Variants in PRH1 observed in about 807,000 individuals in gnomAD.
The protein encoded by PRH1 is salivary acidic proline-rich phosphoprotein 1/2.
In PRH1, 7 loss-of-function variants were observed where a neutral mutation model predicts 7.9. The ratio of observed to expected loss-of-function variants is 0.89; its 90% CI spans 0.50 to 1.67. The LOEUF (loss-of-function observed/expected upper bound fraction) is 1.67, where lower values mean the gene tolerates loss of function less well. PRH1 is among the 40% of genes most tolerant of loss of function. The probability of loss-of-function intolerance (pLI) is 0.00; values close to 1 mark genes in which losing one functional copy is unlikely to be tolerated. For missense variants in PRH1, 109 were observed against 223.6 expected, an observed-to-expected ratio of 0.49 and a Z score of 3.27; for synonymous variants, 45 against 80.8, an observed-to-expected ratio of 0.56 and a Z score of 2.38.
downstream of PRH1, among the ~76,000 whole-genome samples, chr12:11,118,545 T>A (rs1945795302): frequency 4.6e-5 from 7 of 152,176 alleles, no homozygotes; most frequent in Admixed American, 4.6e-4. Context: ...AGAGTTACCA[T>A]ATGATCCAGC....
intron 1 of PRH1, among the ~76,000 whole-genome samples, chr12:10,983,661 T>A (rs1020000414): frequency 1.3e-5 from 2 of 152,224 alleles, no homozygotes; most frequent in African/African-American, 2.4e-5. Context: ...TTTTCTCTTC[T>A]CTTTCTCTTC....
At chr12:11,132,301 A>G (rs191561523) in intron 1 of PRH1, among the ~76,000 whole-genome samples, 35 of 152,382 alleles carry the variant, frequency 2.3e-4, no homozygotes, top group Admixed American at 5.9e-4. Context: ...TCACTGAATT[A>G]TTTTCCATAA....
chr12:11,087,127 A>C lies in PRH1; in HGVS notation n.124-39939T>G, dbSNP rs1944734624. On this transcript the variant is annotated intron_variant and non_coding_transcript_variant, in intron 1 of 4. Coordinates refer to the PRH1 transcript ENST00000541977. ...GTTTTTTTTTTTTCTTCTGAGACAC[A>C]GTCTCCCTCTGTTACCCAAGCTGGA... 2.7e-5 allele frequency among the ~76,000 whole-genome samples: 3 copies of C among 110,374 alleles called. No individual in the cohort carries two copies. In the South Asian group the frequency reaches 7.4e-4, roughly 27 times the overall value. 72.4% of individuals were successfully genotyped at this position (110,374 alleles called of 152,430 possible). A position where few individuals can be genotyped will look rare whatever the true frequency, so the allele number is the denominator to read the frequency against.
chr12:11,059,683 A>G (rs1026300770), intron 1 of PRH1, among the ~76,000 whole-genome samples: 8 of 128,998 alleles, frequency 6.2e-5, no homozygotes, highest in Non-Finnish European at 1.3e-4. Flanking sequence ...AGACTATATT[A>G]TTGTCATATT....
At chr12:10,985,116 A>G (rs1419491957) in intron 1 of PRH1, among the ~76,000 whole-genome samples, 1 of 152,078 alleles carries the variant, frequency 6.6e-6, no homozygotes, top group Admixed American at 6.5e-5. Context: ...CTCAACTTCA[A>G]AAAAGGTTTT....
chr12:11,140,051 TTAA>T (rs1946661300), intron 1 of PRH1, among the ~76,000 whole-genome samples: 1 of 152,130 alleles, frequency 6.6e-6, no homozygotes, highest in East Asian at 1.9e-4. Context: ...TATACATTTA[TTAA>T]TAATGCCTTA....
intron 1 of PRH1, among the ~76,000 whole-genome samples, chr12:11,158,073 A>AT (rs1424871340): frequency 6.6e-6 from 1 of 152,090 alleles, no homozygotes; most frequent in African/African-American, 2.4e-5. Flanking sequence ...TTTACCAGCT[A>AT]TTTTTTCCCT....
At position 11,044,268 on chromosome 12, in the gene PRH1, T is replaced by C. The variant is rs184409213; in HGVS notation, c.-126+2752A>G. The stretch of plus-strand genomic sequence containing the variant: ...AGAAGAATGAAACTAGTCCCATATA[T>C]CTATACAAATATCAAATCAAAATGG... On this transcript the variant is annotated intron_variant, in intron 1 of 3. Coordinates refer to the PRH1 transcript ENST00000539853. Among the ~76,000 whole-genome samples the C allele has an allele frequency of 6.6e-5, 10 of 152,136 alleles. No homozygotes were observed. In the East Asian group the frequency reaches 1.9e-3, roughly 29 times the overall value.
At chr12:10,934,498 C>T (rs1203577889) in intron 2 of PRH1, among the ~76,000 whole-genome samples, 1 of 152,046 alleles carries the variant, frequency 6.6e-6, no homozygotes, top group Non-Finnish European at 1.5e-5. Flanking sequence ...CTATACAAGG[C>T]ATTTAGCATG....
intron 1 of PRH1, among the ~76,000 whole-genome samples, chr12:11,109,574 G>A (rs936443561): frequency 3.3e-5 from 5 of 152,096 alleles, no homozygotes; most frequent in African/African-American, 4.8e-5. Flanking sequence ...TTGCAGCAGA[G>A]GACCCTGACT....
chr12:11,157,694 G>C (rs1220950878), intron 1 of PRH1, among the ~76,000 whole-genome samples: 3 of 152,058 alleles, frequency 2.0e-5, no homozygotes, highest in Non-Finnish European at 4.4e-5. Context: ...TTTCACATAA[G>C]CCTTGCTCTT....
chr12:10,888,912 T>C (rs1386729179), upstream of PRH1, among the ~76,000 whole-genome samples: 2 of 152,218 alleles, frequency 1.3e-5, no homozygotes, highest in Non-Finnish European at 2.9e-5. Context: ...TGAACTGAGG[T>C]TCACTGAGTT....
At chr12:11,087,260 C>A (rs1316797342) in intron 1 of PRH1, among the ~76,000 whole-genome samples, 1 of 116,992 alleles carries the variant, frequency 8.5e-6, no homozygotes, top group Non-Finnish European at 2.0e-5. Context: ...CACCAACATG[C>A]CAGCTAATTT....
At chr12:10,953,933 C>T (rs566873915) in intron 2 of PRH1, among the ~76,000 whole-genome samples, 48 of 152,212 alleles carry the variant, frequency 3.2e-4, no homozygotes, top group African/African-American at 1.1e-3. Flanking sequence ...AACTCTACAA[C>T]CAGGAAGAGA....
rs149546284 is a variant in PRH1, at chr12:10,914,924, C to T, written c.-58-30649G>A. 4.0e-3 allele frequency among the ~76,000 whole-genome samples: 606 copies of T among 152,198 alleles called. 2 individuals are homozygous for T. The highest frequency in any genetic ancestry group is 0.023 in the East Asian group (120 of 5,166). ...CAGGTGCATCACAAGGTCAGGAGATCGAGACCACCCTGGCTAACACGGTGA... is the reference window on the plus strand; with the variant it reads ...CAGGTGCATCACAAGGTCAGGAGATTGAGACCACCCTGGCTAACACGGTGA... On this transcript the variant is annotated intron_variant, in intron 2 of 3. Transcript: ENST00000539853.
At chr12:11,165,011 A>G (rs1592132591) in intron 1 of PRH1, among the ~76,000 whole-genome samples, 1 of 152,180 alleles carries the variant, frequency 6.6e-6, no homozygotes, top group East Asian at 1.9e-4. Flanking sequence ...AGAAAATGGT[A>G]TCATGTTTGA....
At chr12:11,118,883 G>A (rs192283344), downstream of PRH1, among the ~76,000 whole-genome samples, 509 of 151,136 alleles carry the variant, frequency 3.4e-3, 2 homozygotes, top group African/African-American at 0.011. Flanking sequence ...TAGTCCCAGC[G>A]ACTCAGGAGG....
At chr12:11,037,632 TAA>T (rs1942492939) in intron 1 of PRH1, among the ~76,000 whole-genome samples, 1 of 152,358 alleles carries the variant, frequency 6.6e-6, no homozygotes, top group Non-Finnish European at 1.5e-5. Flanking sequence ...AAATTGGAAA[TAA>T]AAAGTGTCTA....
At chr12:11,149,498 C>T (rs1405133385) in intron 1 of PRH1, among the ~76,000 whole-genome samples, 1 of 151,274 alleles carries the variant, frequency 6.6e-6, no homozygotes, top group African/African-American at 2.4e-5. Context: ...AGAACAGAGC[C>T]GTCAGAAATA....
Sources: allele counts gnomAD v4.1 joint callset (sites outside exome capture counted in the v4.1 genomes callset), GRCh38; gene constraint gnomAD v4.1.1; transcripts MANE v1.5; gene names NCBI Gene and HGNC (gene_info 2026-07-23, HGNC 2026-07-21).